The following USP35 variants were observed in gnomAD, a reference collection of about 807,000 sequenced individuals.
The protein encoded by USP35 is ubiquitin specific peptidase 35, also known as ubiquitin carboxyl-terminal hydrolase 35.
A neutral mutation model predicts 83.8 loss-of-function variants in USP35; 69 were observed. The observed-to-expected ratio is 0.82, with a 90% CI of 0.68 to 1.01. The LOEUF is 1.01. Among genes scored for constraint, USP35 ranks in the 50% least tolerant of loss-of-function variants. The pLI, the probability that USP35 is intolerant of heterozygous loss-of-function variation, is 0.00. For synonymous variants in USP35, 714 were observed against 589.5 expected (o/e 1.21, Z -3.06); for missense variants, 1,503 against 1,362.5 (o/e 1.10, Z -1.62).
the USP35 span, chr11:78,221,864 C>T: frequency 4.7e-5 from 41 of 869,220 alleles, 1 homozygote; most frequent in Admixed American, 5.8e-4. Context: ...CTGACCCTCA[C>T]ACACCCAGAC....
chr11:78,210,594 C>T lies in USP35; in HGVS notation c.2739C>T (p.Phe913=). Reference sequence around the variant, plus strand: ...CTGTCAGCAACGTCACCTCCTTCTTCCCTAAGGACACAGCCTATGTGCTGT... The same window carrying T: ...CTGTCAGCAACGTCACCTCCTTCTTTCCTAAGGACACAGCCTATGTGCTGT... The part of the protein sequence containing the change: ...FESVSNVTSF[F]PKDTAYVLFY... The change falls in exon 10 of 11, where the codon TTC becomes TTT. Residue 913 remains phenylalanine, a synonymous_variant. Coordinates refer to ENST00000529308, the MANE Select transcript of USP35 (RefSeq NM_020798.4). The T allele has an allele frequency of 6.2e-7, 1 of 1,614,180 alleles. No homozygotes were observed. The highest frequency in any genetic ancestry group is 8.5e-7 in the Non-Finnish European group (1 of 1,179,988).
chr11:78,223,470 G>C, the USP35 span: 23 of 1,598,546 alleles, frequency 1.4e-5, no homozygotes, highest in East Asian at 5.2e-4. Context: ...CACTTCCTCT[G>C]CTGGGGCCTC....
downstream of USP35, chr11:78,218,731 C>T (rs1864268372): frequency 6.5e-6 from 1 of 153,332 alleles, no homozygotes; most frequent in Non-Finnish European, 1.5e-5. Flanking sequence ...TCCACCATCT[C>T]CTCTTTTAGT....
intron 1 of USP35, 63 bp downstream of exon 1, chr11:78,189,220 G>C (rs1167900091): frequency 6.5e-6 from 1 of 153,128 alleles, no homozygotes; most frequent in Non-Finnish European, 1.5e-5. Context: ...GGCCTTTCGA[G>C]AACCCTGGAC....
Position 78,200,252 on chromosome 11 carries a change from C to T in USP35, c.1038+18C>T. On this transcript the variant is annotated intron_variant, in intron 5 of 10. Coordinates refer to ENST00000529308, the MANE Select transcript of USP35 (RefSeq NM_020798.4). ...TCCACCTGGTAAGGTCCCCTGCCTG[C>T]TGCCCCTGGTGAGGCCCCTGCCTGC... 2 of 1,612,840 alleles carry T rather than the reference C, an allele frequency of 1.2e-6. No individual in the cohort carries two copies. Among genetic ancestry groups the T allele is most frequent in the Non-Finnish European group, 1.7e-6 (2 of 1,178,966 alleles).
intron 10 of USP35, 93 bp from the exon 11 acceptor site, chr11:78,213,553 G>C: frequency 7.3e-7 from 1 of 1,369,866 alleles, no homozygotes; most frequent in Non-Finnish European, 9.5e-7. Context: ...TGGGGACCTA[G>C]AGGAAACATT....
the USP35 span, among the ~76,000 whole-genome samples, chr11:78,232,727 A>G: frequency 1.3e-5 from 2 of 152,208 alleles, no homozygotes; most frequent in East Asian, 1.9e-4. Flanking sequence ...TATCTTTACA[A>G]TCAGGTTCCC....
intron 6 of USP35, among the ~76,000 whole-genome samples, chr11:78,203,509 A>G (rs376434468): frequency 6.6e-6 from 1 of 152,226 alleles, no homozygotes; most frequent in African/African-American, 2.4e-5. Flanking sequence ...GAGTTTGTCT[A>G]CAACCTCACT....
chr11:78,220,994 A>G, the USP35 span, among the ~76,000 whole-genome samples: 2 of 152,180 alleles, frequency 1.3e-5, no homozygotes, highest in Non-Finnish European at 2.9e-5. Flanking sequence ...CTCCTCCAAG[A>G]TCTGAAGAGG....
chr11:78,210,458 G>A lies in USP35; in HGVS notation c.2603G>A (p.Arg868His), dbSNP rs746154078. 4 of 1,614,212 alleles carry A rather than the reference G, an allele frequency of 2.5e-6. No individual in the cohort carries two copies. The highest frequency in any genetic ancestry group is 2.2e-5 in the East Asian group (1 of 44,880). The change falls in exon 10 of 11, where the codon CGT (arginine) becomes CAT (histidine). Residue 868 changes from arginine to histidine, a missense_variant. Transcript: ENST00000529308. ...AGTGGTCACTACTACTGCTATGCCCGTGAGGGCGCTGCCCGCCCTGCCGCT... is the reference window on the plus strand; with the variant it reads ...AGTGGTCACTACTACTGCTATGCCCATGAGGGCGCTGCCCGCCCTGCCGCT... ...SESGHYYCYA[R>H]EGAARPAASL...
chr11:78,224,297 G>A, the USP35 span, among the ~76,000 whole-genome samples: 1 of 152,096 alleles, frequency 6.6e-6, no homozygotes, highest in East Asian at 1.9e-4. Context: ...TTTGGTTCAG[G>A]ACCTGCCCTC....
At chr11:78,203,657 C>T (rs1040733284) in intron 6 of USP35, among the ~76,000 whole-genome samples, 1 of 151,428 alleles carries the variant, frequency 6.6e-6, no homozygotes, top group Non-Finnish European at 1.5e-5. Context: ...CGGCTCATTG[C>T]AAGCTCTGCC....
chr11:78,230,021 A>G, the USP35 span, among the ~76,000 whole-genome samples: 37 of 152,268 alleles, frequency 2.4e-4, no homozygotes, highest in Non-Finnish European at 4.6e-4. Flanking sequence ...CACCATTACT[A>G]CTTATCTCTG....
At chr11:78,221,772 A>T in the USP35 span, 57 of 1,611,312 alleles carry the variant, frequency 3.5e-5, no homozygotes, top group Non-Finnish European at 4.7e-5. Context: ...CTGGAGTTGA[A>T]GGTGTGGCTG....
chr11:78,213,451 T>C (rs555906808), intron 10 of USP35, among the ~76,000 whole-genome samples, 195 bp from the exon 11 acceptor site: 1 of 151,220 alleles, frequency 6.6e-6, no homozygotes, highest in African/African-American at 2.5e-5. Flanking sequence ...CTAGAGTTTT[T>C]ATTGAGAGGA....
chr11:78,221,730 G>C, the USP35 span: 2 of 1,613,716 alleles, frequency 1.2e-6, no homozygotes, highest in Admixed American at 1.7e-5. Flanking sequence ...GTGATGCTCT[G>C]GGTGGAGATG....
the USP35 span, among the ~76,000 whole-genome samples, chr11:78,233,278 G>T: frequency 6.6e-6 from 1 of 152,104 alleles, no homozygotes; most frequent in East Asian, 1.9e-4. Context: ...GAAGCAATCC[G>T]CCTGTCTTGG....
Position 78,214,169 on chromosome 11 carries a change from C to A in USP35, c.*356C>A. 5.2e-6 allele frequency: 1 copy of A among 193,066 alleles called. No individual in the cohort carries two copies. Among genetic ancestry groups the A allele is most frequent in the Admixed American group, 6.3e-5 (1 of 15,878 alleles). 12.0% of individuals were successfully genotyped at this position (193,066 alleles called of 1,614,324 possible). ...GACCTCAGCTCCAATGTTTTGACAT[C>A]AAGTACTATTTTCCTTCCGACTGCT... On this transcript the variant is annotated 3_prime_UTR_variant, in exon 11 of 11. Transcript: ENST00000529308.
chr11:78,197,854 G>T, intron 2 of USP35, 82 bp from the exon 3 acceptor site: 2 of 1,526,166 alleles, frequency 1.3e-6, no homozygotes, highest in Non-Finnish European at 1.8e-6. Context: ...AGCCCGGTTC[G>T]TTGGCTCCTG....
Sources: allele counts gnomAD v4.1 joint callset (sites outside exome capture counted in the v4.1 genomes callset), GRCh38; gene constraint gnomAD v4.1.1; transcripts MANE v1.5; gene names NCBI Gene and HGNC (gene_info 2026-07-23, HGNC 2026-07-21).